The following EBF3 variants were observed in gnomAD, a reference collection of about 807,000 sequenced individuals.
EBF3 encodes the protein EBF transcription factor 3.
EBF3 carries 18 observed loss-of-function variants against 77.1 expected under a neutral mutation model. The observed-to-expected ratio is 0.23, with a 90% CI of 0.16 to 0.35. The LOEUF (loss-of-function observed/expected upper bound fraction) is 0.35, where lower values mean the gene tolerates loss of function less well. Among genes scored for constraint, EBF3 ranks in the 10% least tolerant of loss-of-function variants. The pLI, the probability that EBF3 is intolerant of heterozygous loss-of-function variation, is 1.00. For synonymous variants in EBF3, 350 were observed against 343.5 expected (o/e 1.02, Z -0.21); for missense variants, 558 against 860.0 (o/e 0.65, Z 4.39).
rs753755118 is a variant in EBF3 at position 129,848,350 on chromosome 10, C to T, written c.1128+42G>A. The T allele has an allele frequency of 7.0e-6, 11 of 1,582,452 alleles. No individual in the cohort carries two copies. Among genetic ancestry groups the T allele is most frequent in the East Asian group, 6.7e-5 (3 of 44,668 alleles). On this transcript the variant is annotated intron_variant, in intron 11 of 16. Coordinates refer to ENST00000440978, the MANE Select transcript of EBF3 (RefSeq NM_001375380.1). This position sits in a 1 kb window ranked among gnomAD's most constrained non-coding sequence, Gnocchi z 4.4. ...CCCCAAACCAGAACCAGCCCAGTGG[C>T]GGCCCCACCATGAGCGGGGTGCCAC...
At chr10:129,932,350 C>T (rs1224250502) in intron 6 of EBF3, among the ~76,000 whole-genome samples, 1 of 152,210 alleles carries the variant, frequency 6.6e-6, no homozygotes, top group Admixed American at 6.5e-5. Context: ...ACCCCTGCAA[C>T]AAGGCGACAA....
intron 6 of EBF3, among the ~76,000 whole-genome samples, chr10:129,946,466 C>A (rs559823084): frequency 6.6e-6 from 1 of 152,292 alleles, no homozygotes; most frequent in East Asian, 1.9e-4. Flanking sequence ...GGACTCGGAG[C>A]AGCCAAATAA....
chr10:129,930,722 G>A (rs187866094), intron 6 of EBF3, among the ~76,000 whole-genome samples: 78 of 80,312 alleles, frequency 9.7e-4, no homozygotes, highest in Admixed American at 1.8e-3. Flanking sequence ...TCATATATCT[G>A]TATCTGTCTA....
At chr10:129,886,592 C>G (rs11815777) in intron 6 of EBF3, among the ~76,000 whole-genome samples, 1 of 151,914 alleles carries the variant, frequency 6.6e-6, no homozygotes, top group African/African-American at 2.4e-5. Flanking sequence ...CGCCACCAGG[C>G]AGCTGTGTTG....
At chr10:129,918,641 C>T (rs1589856854) in intron 6 of EBF3, among the ~76,000 whole-genome samples, 1 of 152,268 alleles carries the variant, frequency 6.6e-6, no homozygotes, top group East Asian at 1.9e-4. Context: ...CCTGCCCTAC[C>T]CCCCTCCCCA....
At chr10:129,883,100 G>A (rs527369424) in intron 6 of EBF3, among the ~76,000 whole-genome samples, 1 of 152,338 alleles carries the variant, frequency 6.6e-6, no homozygotes, top group South Asian at 2.1e-4. Context: ...CAGCATCTCA[G>A]GAACCCTGTA....
At chr10:129,949,599 G>A (rs1036524207) in intron 6 of EBF3, among the ~76,000 whole-genome samples, 10 of 152,156 alleles carry the variant, frequency 6.6e-5, no homozygotes, top group Non-Finnish European at 7.3e-5. Flanking sequence ...GAAGGCGCAC[G>A]CTGCCTGCCC....
intron 6 of EBF3, among the ~76,000 whole-genome samples, chr10:129,929,579 A>G (rs1856874760): frequency 6.6e-6 from 1 of 152,244 alleles, no homozygotes; most frequent in South Asian, 2.1e-4. Context: ...AGATGGAAAT[A>G]GAATTTGGAG....
chr10:129,845,113 T>A (rs1850360544), intron 11 of EBF3, among the ~76,000 whole-genome samples: 1 of 152,214 alleles, frequency 6.6e-6, no homozygotes, highest in South Asian at 2.1e-4. Context: ...CTGGATAGTG[T>A]CTTAACTAAT....
At chr10:129,903,606 T>G (rs905270758) in intron 6 of EBF3, among the ~76,000 whole-genome samples, 1 of 152,188 alleles carries the variant, frequency 6.6e-6, no homozygotes, top group African/African-American at 2.4e-5. Context: ...TTACAAATAT[T>G]TGTTGAGACA....
Position 129,963,246 on chromosome 10 carries a change from G to A in EBF3, c.291+121C>T, listed in dbSNP as rs1478639856. ...TCCCGGGCGGCCGCACGTGGCGGCG[G>A]CGGGGTGGCCTGGCGGAGCCGAGCC... is the stretch of plus-strand genomic sequence containing the variant. On this transcript the variant is annotated intron_variant, in intron 2 of 16. Transcript: ENST00000440978. This position sits in a 1 kb window ranked among gnomAD's most constrained non-coding sequence, Gnocchi z 7.1. 13 of 1,385,634 alleles carry A rather than the reference G, an allele frequency of 9.4e-6. No individual in the cohort carries two copies. Among genetic ancestry groups the A allele is most frequent in the Non-Finnish European group, 1.2e-5 (13 of 1,057,074 alleles). 85.8% of individuals were successfully genotyped at this position (1,385,634 alleles called of 1,614,324 possible).
At position 129,885,106 on chromosome 10, in the gene EBF3, TTTTTC is replaced by T. The variant is rs1445082112; in HGVS notation, c.555-7262_555-7258del. Among the ~76,000 whole-genome samples the T allele has an allele frequency of 2.0e-5, 3 of 152,120 alleles. No homozygotes were observed. The highest frequency in any genetic ancestry group is 6.6e-5 in the Admixed American group (1 of 15,266). On this transcript the variant is annotated intron_variant, in intron 6 of 16. Coordinates refer to ENST00000440978, the MANE Select transcript of EBF3 (RefSeq NM_001375380.1). The surrounding 1 kb of genome is among the most constrained non-coding windows in gnomAD (Gnocchi z 4.0). ...TATCGCTAAATTTCTGCTATAATGG[TTTTTC>T]TTTTCATCACAATTTCAGCAGCGGC...
intron 6 of EBF3, among the ~76,000 whole-genome samples, chr10:129,937,861 G>A (rs1423836247): frequency 6.6e-6 from 1 of 152,144 alleles, no homozygotes; most frequent in Non-Finnish European, 1.5e-5. Context: ...GAATTCCCGG[G>A]GAAACATTCC....
rs1250045213 is a variant in EBF3, at chr10:129,879,865, G to C, written c.555-2016C>G. ...AAGTTATCGTCCTGTCAGGCAATTAGGTTTTCACTTCGGGGACAGCAACAC... is the reference window on the plus strand; with the variant it reads ...AAGTTATCGTCCTGTCAGGCAATTACGTTTTCACTTCGGGGACAGCAACAC... On this transcript the variant is annotated intron_variant, in intron 6 of 16. Coordinates refer to ENST00000440978, the MANE Select transcript of EBF3 (RefSeq NM_001375380.1). The surrounding 1 kb of genome is among the most constrained non-coding windows in gnomAD (Gnocchi z 4.7). Among the ~76,000 whole-genome samples the C allele has an allele frequency of 6.6e-6, 1 of 152,180 alleles. No individual in the cohort carries two copies. Among genetic ancestry groups the C allele is most frequent in the Non-Finnish European group, 1.5e-5 (1 of 68,038 alleles).
intron 6 of EBF3, among the ~76,000 whole-genome samples, chr10:129,937,857 C>T (rs188040001): frequency 2.6e-5 from 4 of 152,310 alleles, no homozygotes; most frequent in Admixed American, 2.6e-4. Context: ...TGAGGAATTC[C>T]CGGGGAAACA....
intron 6 of EBF3, among the ~76,000 whole-genome samples, chr10:129,912,773 T>A (rs1855612794): frequency 6.6e-6 from 1 of 152,248 alleles, no homozygotes; most frequent in African/African-American, 2.4e-5. Flanking sequence ...AATATTTGAA[T>A]AAATTGTGGA....
intron 6 of EBF3, among the ~76,000 whole-genome samples, chr10:129,954,419 C>T (rs182763389): frequency 3.4e-5 from 5 of 148,124 alleles, no homozygotes; most frequent in South Asian, 2.2e-4. Context: ...ACTTCCCCCC[C>T]CCCTTTTTTT....
chr10:129,859,984 T>C (rs1033229999), intron 10 of EBF3, among the ~76,000 whole-genome samples: 2 of 152,218 alleles, frequency 1.3e-5, no homozygotes, highest in Non-Finnish European at 2.9e-5. Context: ...ACCGACATGT[T>C]TGTGCTGATG....
intron 6 of EBF3, among the ~76,000 whole-genome samples, chr10:129,920,818 T>C (rs1470897778): frequency 6.6e-6 from 1 of 152,128 alleles, no homozygotes; most frequent in Non-Finnish European, 1.5e-5. Context: ...AGTGGAGTGA[T>C]CACTATTGTC....
Sources: allele counts gnomAD v4.1 joint callset (sites outside exome capture counted in the v4.1 genomes callset), GRCh38; gene constraint gnomAD v4.1.1; non-coding constraint Gnocchi (gnomAD v3.1); transcripts MANE v1.5; gene names NCBI Gene and HGNC (gene_info 2026-07-23, HGNC 2026-07-21).